Variants in ATP7B observed in about 807,000 individuals in gnomAD.
The protein encoded by ATP7B is copper-transporting ATPase 2.
In ATP7B, 113 loss-of-function variants were observed where a neutral mutation model predicts 118.9. The observed-to-expected ratio is 0.95, with a 90% CI of 0.82 to 1.11. The LOEUF (loss-of-function observed/expected upper bound fraction) is 1.11, where lower values mean the gene tolerates loss of function less well. Among genes scored for constraint, ATP7B ranks in the 50% most tolerant of loss-of-function variants. The pLI, the probability that ATP7B is intolerant of heterozygous loss-of-function variation, is 0.00. For synonymous variants in ATP7B, 777 were observed against 727.4 expected (o/e 1.07, Z -1.10); for missense variants, 1,867 against 1,871.4 (o/e 1.00, Z 0.04).
intron 7 of ATP7B, chr13:51,958,994 C>G (rs1958547497): frequency 4.6e-6 from 1 of 215,354 alleles, no homozygotes; most frequent in Non-Finnish European, 9.4e-6. Context: ...AAGTCTGTAT[C>G]TGTATTACGT....
At chr13:51,943,992 A>G (rs930376459) in intron 14 of ATP7B, 117 bp downstream of exon 14, 3 of 1,320,804 alleles carry the variant, frequency 2.3e-6, no homozygotes, top group South Asian at 1.3e-5. Context: ...AGGGCCCTCT[A>G]AGTGGTTTTC....
At chr13:51,996,758 A>G (rs1192689905) in intron 1 of ATP7B, among the ~76,000 whole-genome samples, 1 of 152,152 alleles carries the variant, frequency 6.6e-6, no homozygotes, top group Admixed American at 6.5e-5. Flanking sequence ...TGGTCCATGC[A>G]CCAAAGCCCC....
At chr13:51,991,103 A>C (rs1359353256) in intron 1 of ATP7B, among the ~76,000 whole-genome samples, 1 of 152,098 alleles carries the variant, frequency 6.6e-6, no homozygotes, top group African/African-American at 2.4e-5. Flanking sequence ...AAAGAAAAAA[A>C]AAAAAGAACC....
intron 6 of ATP7B, among the ~76,000 whole-genome samples, chr13:51,960,841 G>T (rs1958689820): frequency 6.6e-6 from 1 of 152,074 alleles, no homozygotes; most frequent in South Asian, 2.1e-4. Flanking sequence ...TTTGGAATCG[G>T]GGGTCATGGC....
intron 12 of ATP7B, 80 bp from the exon 13 acceptor site, chr13:51,946,558 CA>C: frequency 6.5e-7 from 1 of 1,526,988 alleles, no homozygotes; most frequent in Non-Finnish European, 9.0e-7. Context: ...AAGGACATTT[CA>C]GGGGGGCACT....
chr13:51,962,420 T>C (rs975624639), intron 5 of ATP7B, among the ~76,000 whole-genome samples: 1 of 152,228 alleles, frequency 6.6e-6, no homozygotes, highest in African/African-American at 2.4e-5. Context: ...ATCTTGTGCT[T>C]TGCTCACAGT....
intron 1 of ATP7B, among the ~76,000 whole-genome samples, chr13:51,996,619 G>T (rs762476387): frequency 2.6e-5 from 4 of 152,162 alleles, no homozygotes. Context: ...ACATGCCCAA[G>T]GTCACTGAAG....
At chr13:51,954,807 G>A (rs1464130087) in intron 9 of ATP7B, among the ~76,000 whole-genome samples, 3 of 152,192 alleles carry the variant, frequency 2.0e-5, no homozygotes, top group Non-Finnish European at 4.4e-5. Context: ...CCAACCAGCA[G>A]GTAGTCTCTG....
At position 51,950,026 on chromosome 13, in the gene ATP7B, T is replaced by C; in HGVS notation, c.2711A>G (p.Glu904Gly). 6.2e-7 allele frequency: 1 copy of C among 1,614,242 alleles called. No individual in the cohort carries two copies. The highest frequency in any genetic ancestry group is 1.1e-5 in the South Asian group (1 of 91,084). The part of the protein sequence containing the change: ...TTLAQIVKLV[E>G]EAQMSKAPIQ... ...CATTACCTTTGACATCTGAGCCTCTTCCACCAGTTTCACAATCTGAGCCAA... is the reference window on the plus strand; with the variant it reads ...CATTACCTTTGACATCTGAGCCTCTCCCACCAGTTTCACAATCTGAGCCAA... The change falls in exon 11 of 21, where the codon GAA becomes GGA. Residue 904 changes from glutamate to glycine, a missense_variant. Coordinates refer to ENST00000242839, the MANE Select transcript of ATP7B (RefSeq NM_000053.4).
intron 7 of ATP7B, 58 bp downstream of exon 7, chr13:51,960,090 T>C: frequency 6.3e-7 from 1 of 1,577,100 alleles, no homozygotes; most frequent in Non-Finnish European, 8.7e-7. Context: ...GCGGGCAGAA[T>C]ATCTGAGGGC....
At chr13:51,950,203 T>G (rs1314499169) in intron 10 of ATP7B, 42 bp from the exon 11 acceptor site, 1 of 1,614,022 alleles carries the variant, frequency 6.2e-7, no homozygotes, top group South Asian at 1.1e-5. Context: ...CTCAGCCCCA[T>G]CCAGCACTCA....
At chr13:51,952,502 T>C (rs982931522) in intron 9 of ATP7B, among the ~76,000 whole-genome samples, 1 of 152,244 alleles carries the variant, frequency 6.6e-6, no homozygotes, top group African/African-American at 2.4e-5. Flanking sequence ...GGAACTGTGC[T>C]AGATTTTTAC....
Position 52,011,348 on chromosome 13 carries a change from G to T in ATP7B, c.-11C>A, listed in dbSNP as rs780403933. On this transcript the variant is annotated 5_prime_UTR_variant, in exon 1 of 21. Transcript: ENST00000242839. The stretch of plus-strand genomic sequence containing the variant: ...CTCCTGCTCAGGCATCGTCCCGCAC[G>T]GACACCGAATTCTTCTCTGATCTGG... The T allele has an allele frequency of 6.2e-7, 1 of 1,614,076 alleles. No individual in the cohort carries two copies. The highest frequency in any genetic ancestry group is 1.3e-5 in the African/African-American group (1 of 74,944).
In ATP7B at chr13:51,975,123, T is replaced by C. The variant is rs1952042768; in HGVS notation, c.97A>G (p.Met33Val). Residue 33 changes from methionine to valine, a missense_variant, in exon 2 of 21, where the codon ATG becomes GTG. Physicochemically the swap from Met to Val is conservative, Grantham distance 21. Coordinates refer to ENST00000242839, the MANE Select transcript of ATP7B (RefSeq NM_000053.4). ...SLPTRAWEPA[M>V]KKSFAFDNVG... is the part of the protein sequence containing the mutation. ...TTGTCAAAAGCAAAACTCTTCTTCA[T>C]TGCTGGTTCCCAGGCACGGGTAGGC... 15 of 1,614,102 alleles carry C rather than the reference T, an allele frequency of 9.3e-6. No individual in the cohort carries two copies. Among genetic ancestry groups the C allele is most frequent in the Non-Finnish European group, 1.3e-5 (15 of 1,180,040 alleles).
intron 14 of ATP7B, 105 bp downstream of exon 14, chr13:51,944,004 A>G (rs1327768973): frequency 2.4e-5 from 35 of 1,472,872 alleles, no homozygotes; most frequent in Non-Finnish European, 2.7e-5. Flanking sequence ...GTGGTTTTCC[A>G]GACCACACAG....
intron 4 of ATP7B, 38 bp from the exon 5 acceptor site, chr13:51,965,071 A>G (rs754603842): frequency 6.2e-7 from 1 of 1,612,584 alleles, no homozygotes; most frequent in Non-Finnish European, 8.5e-7. Flanking sequence ...CAGACCCAGG[A>G]TCAAGGAAAG....
Position 51,974,071 on chromosome 13 carries a change from T to C in ATP7B, c.1149A>G (p.Gln383=), listed in dbSNP as rs368048282. ...CCGATATTTGCTGCACCCCTTCCAG[T>C]TGGGAGATCATGCCTTCAATGGAAT... The part of the protein sequence containing the change: ...CVHSIEGMIS[Q]LEGVQQISVS... Residue 383 remains glutamine (Q), a synonymous_variant, in exon 2 of 21, where the codon CAA becomes CAG. Coordinates refer to ENST00000242839, the MANE Select transcript of ATP7B (RefSeq NM_000053.4). 21 of 1,613,968 alleles carry C rather than the reference T, an allele frequency of 1.3e-5. No individual in the cohort carries two copies. The African/African-American group carries it at 1.7e-4, about 13-fold the overall frequency.
At chr13:52,002,040 C>T (rs370209443) in intron 1 of ATP7B, among the ~76,000 whole-genome samples, 55 of 152,248 alleles carry the variant, frequency 3.6e-4, no homozygotes, top group Middle Eastern at 3.4e-3. Flanking sequence ...TCAAGCAATC[C>T]GCCTACTTTG....
chr13:51,970,397 G>C, intron 3 of ATP7B, 95 bp downstream of exon 3: 1 of 1,532,484 alleles, frequency 6.5e-7, no homozygotes, highest in Non-Finnish European at 9.0e-7. Context: ...TGGTTATCAG[G>C]GCTACTGATA....
Sources: gnomAD v4.1 joint callset for allele counts (sites outside exome capture counted in the v4.1 genomes callset) on GRCh38, gnomAD v4.1.1 for gene constraint, MANE v1.5 for transcripts, NCBI Gene and HGNC (gene_info 2026-07-23, HGNC 2026-07-21) for gene names.